The following NRG3 variants were observed in gnomAD, a reference collection of about 807,000 sequenced individuals.
NRG3 encodes the protein pro-neuregulin-3, membrane-bound isoform.
A neutral mutation model predicts 66.9 loss-of-function variants in NRG3; 31 were observed. The observed-to-expected ratio is 0.46, with a 90% CI of 0.35 to 0.63. The LOEUF is 0.63. NRG3 is among the 20% of genes least tolerant of loss of function. The pLI is 0.00. For missense variants in NRG3, 910 were observed against 878.9 expected, an observed-to-expected ratio of 1.04 and a Z score of -0.45; for synonymous variants, 393 against 359.4, an observed-to-expected ratio of 1.09 and a Z score of -1.06.
intron 1 of NRG3, among the ~76,000 whole-genome samples, chr10:82,067,615 T>C (rs2064558826): frequency 6.6e-6 from 1 of 152,184 alleles, no homozygotes; most frequent in African/African-American, 2.4e-5. Flanking sequence ...CCCAAAGTGT[T>C]GGGATTATAG....
intron 1 of NRG3, among the ~76,000 whole-genome samples, chr10:82,164,144 C>G (rs993388601): frequency 6.6e-5 from 10 of 152,166 alleles, no homozygotes; most frequent in African/African-American, 1.4e-4. Flanking sequence ...TGGTCTCGAA[C>G]TCCTAACAGG....
At chr10:82,480,411 A>G (rs942702901) in intron 2 of NRG3, among the ~76,000 whole-genome samples, 9 of 152,228 alleles carry the variant, frequency 5.9e-5, no homozygotes, top group South Asian at 2.1e-4. Context: ...ATTTCTGTAT[A>G]CTAAGCTGAC....
At chr10:82,061,801 C>T (rs1332424383) in intron 1 of NRG3, among the ~76,000 whole-genome samples, 1 of 151,576 alleles carries the variant, frequency 6.6e-6, no homozygotes, top group Non-Finnish European at 1.5e-5. Flanking sequence ...CTGTCTGTCT[C>T]CCTCCTTTCC....
At chr10:82,374,247 A>G (rs2085068285) in intron 2 of NRG3, among the ~76,000 whole-genome samples, 1 of 152,202 alleles carries the variant, frequency 6.6e-6, no homozygotes, top group Non-Finnish European at 1.5e-5. Context: ...TTCATGTTAA[A>G]TATGCAAAGA....
intron 3 of NRG3, among the ~76,000 whole-genome samples, chr10:82,853,465 C>A (rs1301314496): frequency 1.3e-5 from 2 of 152,124 alleles, no homozygotes; most frequent in Non-Finnish European, 2.9e-5. Flanking sequence ...TCTATGATTT[C>A]TTTCAGCAGT....
At chr10:82,716,563 G>A (rs1009644621) in intron 2 of NRG3, among the ~76,000 whole-genome samples, 2 of 152,096 alleles carry the variant, frequency 1.3e-5, no homozygotes, top group Admixed American at 6.6e-5. Context: ...AGGATGTACG[G>A]TGCCCTGCTG....
chr10:82,355,426 G>C (rs1937966), intron 1 of NRG3, among the ~76,000 whole-genome samples: 1 of 151,978 alleles, frequency 6.6e-6, no homozygotes, highest in Non-Finnish European at 1.5e-5. Context: ...AGTGTATCTT[G>C]TATGTTGAAA....
chr10:81,896,358 C>G (rs1178270972), intron 1 of NRG3, among the ~76,000 whole-genome samples: 2 of 152,106 alleles, frequency 1.3e-5, no homozygotes, highest in African/African-American at 2.4e-5. Context: ...CTCTCACTTT[C>G]TCGCCATCCT....
chr10:82,218,081 A>G (rs1356112581), intron 1 of NRG3, among the ~76,000 whole-genome samples: 1 of 152,192 alleles, frequency 6.6e-6, no homozygotes, highest in African/African-American at 2.4e-5. Flanking sequence ...AATATTGATG[A>G]ACTAAAACCA....
intron 1 of NRG3, among the ~76,000 whole-genome samples, chr10:81,898,658 A>G (rs1402904119): frequency 6.6e-6 from 1 of 151,656 alleles, no homozygotes; most frequent in African/African-American, 2.4e-5. Context: ...TTCCACTTTT[A>G]GGCCTTTGTC....
At chr10:82,578,491 T>A (rs1047616391) in intron 2 of NRG3, among the ~76,000 whole-genome samples, 5 of 151,442 alleles carry the variant, frequency 3.3e-5, no homozygotes, top group Admixed American at 2.0e-4. Flanking sequence ...ACAGGTAATG[T>A]GCCAGAATTG....
chr10:81,979,371 T>TA (rs1195978974), intron 1 of NRG3, among the ~76,000 whole-genome samples: 2 of 152,038 alleles, frequency 1.3e-5, no homozygotes, highest in African/African-American at 4.8e-5. Flanking sequence ...TGCTCATATC[T>TA]AATGGGAGCA....
chr10:82,081,204 T>C (rs1270823476), intron 1 of NRG3, among the ~76,000 whole-genome samples: 1 of 152,190 alleles, frequency 6.6e-6, no homozygotes, highest in African/African-American at 2.4e-5. Context: ...CTTCTGTAAA[T>C]ATGAACTCAA....
At chr10:82,769,237 G>C (rs1420219347) in intron 3 of NRG3, among the ~76,000 whole-genome samples, 1 of 151,944 alleles carries the variant, frequency 6.6e-6, no homozygotes, top group Non-Finnish European at 1.5e-5. Context: ...ATTCTCATGT[G>C]ACTTCTATTC....
At chr10:82,810,836 A>G (rs902755373) in intron 3 of NRG3, among the ~76,000 whole-genome samples, 4 of 151,900 alleles carry the variant, frequency 2.6e-5, no homozygotes, top group Non-Finnish European at 2.9e-5. Context: ...GAATAGGGAG[A>G]CATACAAGAT....
chr10:82,594,786 A>G (rs1417492422), intron 2 of NRG3, among the ~76,000 whole-genome samples: 1 of 150,850 alleles, frequency 6.6e-6, no homozygotes, highest in African/African-American at 2.4e-5. Flanking sequence ...ATTTTTTTTT[A>G]GACCCCTGCA....
chr10:82,555,691 A>G (rs1366124565), intron 2 of NRG3, among the ~76,000 whole-genome samples: 1 of 152,138 alleles, frequency 6.6e-6, no homozygotes, highest in Non-Finnish European at 1.5e-5. Context: ...CAGTGCGTTC[A>G]TAGTTTGATT....
rs58671270 is a variant in NRG3 at position 82,764,374 on chromosome 10, ATTTT to A, written c.1027+25742_1027+25745del. 9.5e-3 allele frequency among the ~76,000 whole-genome samples: 1,274 copies of A among 134,434 alleles called. 15 individuals are homozygous for A. The highest frequency in any genetic ancestry group is 0.032 in the African/African-American group (1,163 of 36,358). The allele number at this position is 134,434 out of a possible 152,430, so 88.2% of individuals were successfully genotyped here. A position where few individuals can be genotyped will look rare whatever the true frequency, so the allele number is the denominator to read the frequency against. ...TATTAAACCACATTGCCCTATGCAA[ATTTT>A]TTTTTTTTTTTTTTTTTGAGACTTA... is the stretch of plus-strand genomic sequence containing the variant. On this transcript the variant is annotated intron_variant, in intron 3 of 8. Transcript: ENST00000372141.
chr10:82,768,457 G>T (rs67651022), intron 3 of NRG3, among the ~76,000 whole-genome samples: 1 of 151,704 alleles, frequency 6.6e-6, no homozygotes, highest in African/African-American at 2.4e-5. Context: ...CATTTATTTG[G>T]TTCCCATGAA....
Sources: gnomAD v4.1 joint callset for allele counts (sites outside exome capture counted in the v4.1 genomes callset) on GRCh38, gnomAD v4.1.1 for gene constraint, MANE v1.5 for transcripts, NCBI Gene and HGNC (gene_info 2026-07-23, HGNC 2026-07-21) for gene names.